ST8SIA4: variants seen among roughly 807,000 people sequenced by gnomAD.
The protein encoded by ST8SIA4 is ST8 alpha-N-acetyl-neuraminide alpha-2,8-sialyltransferase 4.
In ST8SIA4, 15 loss-of-function variants were observed where a neutral mutation model predicts 33.9. That is an observed-to-expected ratio of 0.44 (90% CI 0.30 to 0.68). The LOEUF is 0.68. Ranked by LOEUF, ST8SIA4 falls within the 30% of genes least tolerant of loss-of-function variation. ST8SIA4 has a pLI of 0.10. For missense variants in ST8SIA4, 321 were observed against 428.0 expected (o/e 0.75, Z 2.21); for synonymous variants, 171 against 151.2 (o/e 1.13, Z -0.96).
intron 4 of ST8SIA4, chr5:100,816,505 C>T (rs1334056889): frequency 1.9e-6 from 1 of 526,438 alleles, no homozygotes; most frequent in Admixed American, 2.0e-5. Context: ...GCAAAAGTAA[C>T]TGCAGTTTTT....
chr5:100,868,869 G>A (rs1315859261), intron 3 of ST8SIA4, among the ~76,000 whole-genome samples: 1 of 152,018 alleles, frequency 6.6e-6, no homozygotes, highest in Non-Finnish European at 1.5e-5. Context: ...TGGTGTAAAA[G>A]TACTTACTCT....
At chr5:100,832,281 A>C (rs1751279574) in intron 4 of ST8SIA4, among the ~76,000 whole-genome samples, 1 of 152,014 alleles carries the variant, frequency 6.6e-6, no homozygotes, top group African/African-American at 2.4e-5. Context: ...CAGTGTTTTC[A>C]ATTATAACTA....
intron 4 of ST8SIA4, among the ~76,000 whole-genome samples, chr5:100,852,811 C>T (rs531227906): frequency 1.3e-5 from 2 of 152,214 alleles, no homozygotes; most frequent in African/African-American, 2.4e-5. Flanking sequence ...TAAGGAATCA[C>T]AGTTTTTGGA....
At chr5:100,859,984 C>T (rs974893277) in intron 3 of ST8SIA4, among the ~76,000 whole-genome samples, 2 of 152,052 alleles carry the variant, frequency 1.3e-5, no homozygotes, top group Non-Finnish European at 2.9e-5. Context: ...ATGACATAAT[C>T]TATCCAATTT....
At chr5:100,832,374 G>A (rs528770913) in intron 4 of ST8SIA4, among the ~76,000 whole-genome samples, 13 of 151,948 alleles carry the variant, frequency 8.6e-5, no homozygotes, top group Middle Eastern at 3.2e-3. Flanking sequence ...TTTTCGTATC[G>A]CAGATGTTTT....
rs535750497 is a variant in ST8SIA4, at chr5:100,849,064, T to C, written c.797+7039A>G. On this transcript the variant is annotated intron_variant, in intron 4 of 4. Transcript: ENST00000231461. ...AAAATGACTTTAAAGAAGAAATACT[T>C]TAGAAAGCTATCTTTATTATCATAA... 2.2e-5 allele frequency: 19 copies of C among 844,450 alleles called. No homozygotes were observed. The African/African-American group carries it at 3.5e-4, about 16-fold the overall frequency. 52.3% of individuals were successfully genotyped at this position (844,450 alleles called of 1,614,324 possible). A position where few individuals can be genotyped will look rare whatever the true frequency, so the allele number is the denominator to read the frequency against.
chr5:100,830,127 G>C (rs1751221658), intron 4 of ST8SIA4, among the ~76,000 whole-genome samples: 1 of 152,174 alleles, frequency 6.6e-6, no homozygotes. Context: ...CTCGCTCTAA[G>C]ACTTTAGCAA....
intron 1 of ST8SIA4, among the ~76,000 whole-genome samples, chr5:100,898,617 A>G (rs1373478581): frequency 6.6e-6 from 1 of 152,330 alleles, no homozygotes; most frequent in East Asian, 1.9e-4. Flanking sequence ...CAAACTTAGT[A>G]CAATCTGAAG....
At chr5:100,861,419 A>G (rs1751938325) in intron 3 of ST8SIA4, among the ~76,000 whole-genome samples, 1 of 152,146 alleles carries the variant, frequency 6.6e-6, no homozygotes, top group Admixed American at 6.5e-5. Context: ...CCTTCTAGCA[A>G]ACAAAGATCT....
At chr5:100,843,317 A>C (rs947583725) in intron 4 of ST8SIA4, among the ~76,000 whole-genome samples, 2 of 151,908 alleles carry the variant, frequency 1.3e-5, no homozygotes, top group African/African-American at 4.8e-5. Context: ...TGTTGACAAT[A>C]AAAGTTTATA....
intron 3 of ST8SIA4, 36 bp from the exon 4 acceptor site, chr5:100,856,432 A>C: frequency 6.4e-7 from 1 of 1,556,804 alleles, no homozygotes; most frequent in Non-Finnish European, 8.7e-7. Context: ...AAATGAAAAA[A>C]AAAGAAATAT....
chr5:100,816,048 T>C (rs1301040700), intron 4 of ST8SIA4, among the ~76,000 whole-genome samples: 12 of 152,244 alleles, frequency 7.9e-5, no homozygotes, highest in Admixed American at 7.8e-4. Flanking sequence ...TCAATGGACA[T>C]GTTTCCTTAA....
chr5:100,886,597 C>A lies in ST8SIA4; in HGVS notation c.249G>T (p.Lys83Asn). The A allele has an allele frequency of 6.2e-7, 1 of 1,611,718 alleles. No homozygotes were observed. The highest frequency in any genetic ancestry group is 1.1e-5 in the South Asian group (1 of 91,002). The change falls in exon 3 of 5, where the codon AAG becomes AAT. Residue 83 changes from lysine (K) to asparagine (N), a missense_variant. By Grantham distance (94) the Lys-to-Asn change is moderately conservative (BLOSUM62 0). Coordinates refer to ENST00000231461, the MANE Select transcript of ST8SIA4 (RefSeq NM_005668.6). ...CTGCATCTAAGAAACGAAGTATGTT[C>A]TTCCTGTATTTGAAATACAAGCAAA... Reference protein sequence around the residue: ...INSSLVLEIRKNILRFLDAER... With the variant: ...INSSLVLEIRNNILRFLDAER...
rs1311689714 is a variant in ST8SIA4, at chr5:100,811,951, A to T, written c.976T>A (p.Ser326Thr). The change falls in exon 5 of 5, where the codon TCC (serine) becomes ACC (threonine). Residue 326 changes from serine to threonine, a missense_variant. By Grantham distance (58) the Ser-to-Thr change is moderately conservative. Coordinates refer to ENST00000231461, the MANE Select transcript of ST8SIA4 (RefSeq NM_005668.6). ...YYDDLKYRYFSNASPHRMPLE... is the reference protein window; with the variant it reads ...YYDDLKYRYFTNASPHRMPLE... The stretch of plus-strand genomic sequence containing the variant: ...GGCATTCTGTGAGGGCTTGCATTGG[A>T]AAAGTACCTATATTTTAAGTCATCA... 6.2e-7 allele frequency: 1 copy of T among 1,614,102 alleles called. No homozygotes were observed. Among genetic ancestry groups the T allele is most frequent in the Admixed American group, 1.7e-5 (1 of 60,018 alleles).
At chr5:100,879,395 A>T (rs1440642209) in intron 3 of ST8SIA4, among the ~76,000 whole-genome samples, 1 of 152,176 alleles carries the variant, frequency 6.6e-6, no homozygotes, top group African/African-American at 2.4e-5. Flanking sequence ...TAAAAATTTG[A>T]ATTTGTAGAG....
intron 4 of ST8SIA4, among the ~76,000 whole-genome samples, chr5:100,822,384 C>T (rs908945799): frequency 1.3e-5 from 2 of 152,130 alleles, no homozygotes; most frequent in Admixed American, 1.3e-4. Context: ...GTTAATGTTC[C>T]TATTGAACAA....
chr5:100,823,581 C>G (rs1234178814), intron 4 of ST8SIA4, among the ~76,000 whole-genome samples: 1 of 152,204 alleles, frequency 6.6e-6, no homozygotes, highest in Non-Finnish European at 1.5e-5. Flanking sequence ...TCATTTAACT[C>G]TTATCTTTGT....
chr5:100,846,382 A>G (rs1420567069), intron 4 of ST8SIA4, among the ~76,000 whole-genome samples: 3 of 152,006 alleles, frequency 2.0e-5, no homozygotes, highest in Non-Finnish European at 4.4e-5. Context: ...ACCGTAACAT[A>G]TACTGGGAAT....
At chr5:100,859,071 C>A (rs578188180) in intron 3 of ST8SIA4, among the ~76,000 whole-genome samples, 1 of 152,114 alleles carries the variant, frequency 6.6e-6, no homozygotes, top group South Asian at 2.1e-4. Context: ...AGCTGAATGC[C>A]ACTTATTTAA....
Sources: gnomAD v4.1 joint callset for allele counts (sites outside exome capture counted in the v4.1 genomes callset) on GRCh38, gnomAD v4.1.1 for gene constraint, MANE v1.5 for transcripts, NCBI Gene and HGNC (gene_info 2026-07-23, HGNC 2026-07-21) for gene names.